Variants in LYPD6B observed in about 807,000 individuals in gnomAD.
The protein encoded by LYPD6B is LY6/PLAUR domain containing 6B, also known as ly6/PLAUR domain-containing protein 6B.
Under a neutral mutation model 22.8 loss-of-function variants are expected in LYPD6B, and 17 were observed. That is an observed-to-expected ratio of 0.75 (90% confidence interval 0.51 to 1.12). The LOEUF (loss-of-function observed/expected upper bound fraction) is 1.12. Ranked by LOEUF, LYPD6B falls within the 50% of genes most tolerant of loss-of-function variation. The probability of loss-of-function intolerance (pLI) is 0.00; values close to 1 mark genes in which losing one functional copy is unlikely to be tolerated. For synonymous variants in LYPD6B, 106 were observed against 91.6 expected (o/e 1.16, Z -0.90); for missense variants, 221 against 258.3 (o/e 0.86, Z 0.99).
chr2:149,185,624 C>A (rs556193848), intron 3 of LYPD6B, among the ~76,000 whole-genome samples: 1 of 152,158 alleles, frequency 6.6e-6, no homozygotes, highest in African/African-American at 2.4e-5. Context: ...TAGAAGGAGG[C>A]TGATTTGGAA....
chr2:149,128,827 A>G (rs1687853105), intron 1 of LYPD6B, among the ~76,000 whole-genome samples: 1 of 152,222 alleles, frequency 6.6e-6, no homozygotes, highest in Admixed American at 6.5e-5. Context: ...AGTAAAGAAC[A>G]TATCACCTAC....
intron 1 of LYPD6B, among the ~76,000 whole-genome samples, chr2:149,061,177 A>T (rs987353816): frequency 1.4e-5 from 2 of 147,140 alleles, no homozygotes; most frequent in Non-Finnish European, 3.0e-5. Context: ...AGCCTTTCTC[A>T]GACTTAGCAG....
At chr2:149,102,584 A>C (rs752780458) in intron 1 of LYPD6B, among the ~76,000 whole-genome samples, 20 of 152,116 alleles carry the variant, frequency 1.3e-4, no homozygotes, top group Non-Finnish European at 1.2e-4. Context: ...TTGGAAGTCA[A>C]GTGATTGGCC....
At chr2:149,105,414 A>G (rs920455885) in intron 1 of LYPD6B, among the ~76,000 whole-genome samples, 1 of 152,190 alleles carries the variant, frequency 6.6e-6, no homozygotes, top group Admixed American at 6.5e-5. Context: ...CAATTTTAAT[A>G]TAATAATATG....
chr2:149,161,415 T>G (rs930041433), intron 3 of LYPD6B: 3 of 153,536 alleles, frequency 2.0e-5, no homozygotes, highest in African/African-American at 7.2e-5. Flanking sequence ...TGATGATTGC[T>G]TTTTACTTGA....
chr2:149,079,607 G>A (rs564028088), intron 1 of LYPD6B, among the ~76,000 whole-genome samples: 4 of 152,210 alleles, frequency 2.6e-5, no homozygotes, highest in East Asian at 1.9e-4. Flanking sequence ...ATTTCTATTC[G>A]TATTCTCTTT....
intron 3 of LYPD6B, among the ~76,000 whole-genome samples, chr2:149,203,972 G>A (rs1235978666): frequency 6.6e-6 from 1 of 152,194 alleles, no homozygotes; most frequent in African/African-American, 2.4e-5. Flanking sequence ...TGCATGTGAA[G>A]GATTATGCTT....
chr2:149,144,603 A>G (rs1465379880), intron 2 of LYPD6B, among the ~76,000 whole-genome samples: 1 of 151,984 alleles, frequency 6.6e-6, no homozygotes, highest in Non-Finnish European at 1.5e-5. Flanking sequence ...TGTTGGCCCT[A>G]CTGGTTTTGA....
intron 1 of LYPD6B, among the ~76,000 whole-genome samples, chr2:149,074,262 A>G (rs1163256268): frequency 1.6e-5 from 2 of 127,126 alleles, no homozygotes; most frequent in East Asian, 4.6e-4. Context: ...GCATACACGC[A>G]TGCATGCACA....
chr2:149,192,285 ATTT>A (rs990611268), intron 3 of LYPD6B, among the ~76,000 whole-genome samples: 22 of 152,068 alleles, frequency 1.4e-4, no homozygotes, highest in Admixed American at 1.4e-3. Flanking sequence ...CTAACGACAT[ATTT>A]TTGTCGGGAA....
At chr2:149,051,358 G>C (rs1350107319) in intron 1 of LYPD6B, among the ~76,000 whole-genome samples, 1 of 151,140 alleles carries the variant, frequency 6.6e-6, no homozygotes, top group Non-Finnish European at 1.5e-5. Flanking sequence ...GTAGAGATGG[G>C]GTTTCACCAC....
At chr2:149,053,092 G>T (rs536674237) in intron 1 of LYPD6B, among the ~76,000 whole-genome samples, 1 of 152,120 alleles carries the variant, frequency 6.6e-6, no homozygotes, top group Non-Finnish European at 1.5e-5. Flanking sequence ...ATTCGCATGT[G>T]TCTACCAGCT....
intron 3 of LYPD6B, among the ~76,000 whole-genome samples, chr2:149,178,162 T>G (rs1404043067): frequency 6.6e-6 from 1 of 152,134 alleles, no homozygotes; most frequent in Non-Finnish European, 1.5e-5. Flanking sequence ...TAAGACTAAC[T>G]CGTGTTCCAT....
At chr2:149,210,689 G>A (rs577336480) in intron 5 of LYPD6B, among the ~76,000 whole-genome samples, 3 of 152,100 alleles carry the variant, frequency 2.0e-5, no homozygotes, top group Non-Finnish European at 2.9e-5. Context: ...TATTTACCCC[G>A]GCTTTTATGC....
intron 5 of LYPD6B, among the ~76,000 whole-genome samples, chr2:149,210,940 GAA>G (rs1369542353): frequency 6.6e-6 from 1 of 152,166 alleles, no homozygotes; most frequent in East Asian, 1.9e-4. Flanking sequence ...CATTTATAAA[GAA>G]AAGAGATTTA....
intron 1 of LYPD6B, among the ~76,000 whole-genome samples, chr2:149,111,311 T>A (rs4667356): frequency 0.41 from 63,030 of 151,978 alleles, 13,598 homozygotes; most frequent in African/African-American, 0.54. Flanking sequence ...TTGTGGAGAA[T>A]TGACTATAGG....
intron 1 of LYPD6B, among the ~76,000 whole-genome samples, chr2:149,060,795 A>G (rs1303932845): frequency 6.6e-6 from 1 of 152,166 alleles, no homozygotes. Context: ...GGGTAGGAGC[A>G]CAGGGAGAGG....
chr2:149,141,545 T>G (rs1036339524), intron 2 of LYPD6B, among the ~76,000 whole-genome samples: 1 of 152,222 alleles, frequency 6.6e-6, no homozygotes, highest in African/African-American at 2.4e-5. Context: ...ACTGATATAT[T>G]GAATTTTTTC....
rs891079045 is a variant in LYPD6B at position 149,057,188 on chromosome 2, A to T, written c.-67+18387A>T. 2.0e-5 allele frequency among the ~76,000 whole-genome samples: 3 copies of T among 152,110 alleles called. No homozygotes were observed. The East Asian group carries it at 5.8e-4, about 29-fold the overall frequency. On this transcript the variant is annotated intron_variant, in intron 1 of 6. Transcript: ENST00000409642. ...TTTTCTATTTAAAAAGAAACTCTTT[A>T]TTCTAGTTTTATTATATATTATTTA...
Sources: allele counts gnomAD v4.1 joint callset (sites outside exome capture counted in the v4.1 genomes callset), GRCh38; gene constraint gnomAD v4.1.1; transcripts MANE v1.5; gene names NCBI Gene and HGNC (gene_info 2026-07-23, HGNC 2026-07-21).